The following TDRP variants were observed in gnomAD, a reference collection of about 807,000 sequenced individuals.
TDRP encodes the protein testis development-related protein.
A neutral mutation model predicts 10.5 loss-of-function variants in TDRP; 12 were observed. The ratio of observed to expected loss-of-function variants is 1.15; its 90% CI spans 0.73 to 1.86. The LOEUF is 1.86. TDRP is among the 40% of genes most tolerant of loss of function. The pLI, the probability that TDRP is intolerant of heterozygous loss-of-function variation, is 0.00. For synonymous variants in TDRP, 139 were observed against 95.4 expected, an observed-to-expected ratio of 1.46 and a Z score of -2.67; for missense variants, 353 against 229.2, an observed-to-expected ratio of 1.54 and a Z score of -3.49.
At chr8:495,872 C>T (rs940795775) in intron 1 of TDRP, among the ~76,000 whole-genome samples, 1 of 152,166 alleles carries the variant, frequency 6.6e-6, no homozygotes, top group Non-Finnish European at 1.5e-5. Context: ...GCAGAGATGA[C>T]CCTGAAAACT....
At chr8:534,845 T>A (rs1334544526) in intron 1 of TDRP, among the ~76,000 whole-genome samples, 1 of 152,176 alleles carries the variant, frequency 6.6e-6, no homozygotes, top group East Asian at 1.9e-4. Flanking sequence ...CTTTTTGGGC[T>A]ATTGTGAGAA....
At chr8:508,320 G>C (rs1391955613) in intron 1 of TDRP, among the ~76,000 whole-genome samples, 1 of 152,170 alleles carries the variant, frequency 6.6e-6, no homozygotes, top group Non-Finnish European at 1.5e-5. Context: ...GATAATATGT[G>C]TATTAGTTCA....
At chr8:542,524 G>A (rs960300629) in intron 1 of TDRP, among the ~76,000 whole-genome samples, 5 of 152,004 alleles carry the variant, frequency 3.3e-5, no homozygotes, top group African/African-American at 1.2e-4. Flanking sequence ...CTGAAAAATA[G>A]AGTCTATTAA....
At chr8:501,752 C>A (rs895406780) in intron 1 of TDRP, among the ~76,000 whole-genome samples, 5 of 152,216 alleles carry the variant, frequency 3.3e-5, no homozygotes, top group African/African-American at 1.2e-4. Context: ...CACTGCATCA[C>A]AGCAGGGTGA....
chr8:498,303 G>A (rs976347800), intron 1 of TDRP, among the ~76,000 whole-genome samples: 8 of 152,202 alleles, frequency 5.3e-5, no homozygotes, highest in South Asian at 2.1e-4. Flanking sequence ...TGCCCAATGC[G>A]TTGGAAGCCC....
At chr8:512,316 C>T (rs1002503254) in intron 1 of TDRP, among the ~76,000 whole-genome samples, 1 of 151,962 alleles carries the variant, frequency 6.6e-6, no homozygotes, top group East Asian at 1.9e-4. Flanking sequence ...ACCTGTAGTG[C>T]CAGCTCCTTG....
At chr8:515,111 C>A (rs543941351) in intron 1 of TDRP, among the ~76,000 whole-genome samples, 23 of 152,268 alleles carry the variant, frequency 1.5e-4, no homozygotes, top group African/African-American at 5.1e-4. Flanking sequence ...CACAGAGCCT[C>A]CTTGGCCTGA....
At chr8:536,393 C>G (rs1563132991) in intron 1 of TDRP, among the ~76,000 whole-genome samples, 1 of 152,222 alleles carries the variant, frequency 6.6e-6, no homozygotes, top group Non-Finnish European at 1.5e-5. Flanking sequence ...GCTAGTCAAA[C>G]TGAGTTTTTA....
At chr8:532,026 A>T (rs1486437458) in intron 1 of TDRP, among the ~76,000 whole-genome samples, 1 of 152,200 alleles carries the variant, frequency 6.6e-6, no homozygotes, top group Non-Finnish European at 1.5e-5. Context: ...GACATGGTTT[A>T]TATTTCTTTT....
chr8:510,979 C>A (rs936535219), intron 1 of TDRP, among the ~76,000 whole-genome samples: 3 of 152,144 alleles, frequency 2.0e-5, no homozygotes, highest in African/African-American at 7.2e-5. Flanking sequence ...AAAGCTACAT[C>A]AGGCTAAGAA....
At chr8:513,867 A>C (rs1428352606) in intron 1 of TDRP, among the ~76,000 whole-genome samples, 3 of 152,246 alleles carry the variant, frequency 2.0e-5, no homozygotes, top group Non-Finnish European at 4.4e-5. Context: ...AACAATCCAA[A>C]AGTGAAATTA....
intron 1 of TDRP, among the ~76,000 whole-genome samples, chr8:504,508 G>A (rs1801401427): frequency 6.6e-6 from 1 of 152,212 alleles, no homozygotes; most frequent in African/African-American, 2.4e-5. Context: ...CTACCCTGCA[G>A]GGTGGATCCA....
chr8:520,007 A>G (rs1283856505), intron 1 of TDRP, among the ~76,000 whole-genome samples: 1 of 152,254 alleles, frequency 6.6e-6, no homozygotes, highest in African/African-American at 2.4e-5. Context: ...AGAATGGGAA[A>G]GAAAGGGAAT....
At chr8:520,616 C>G (rs1031188995) in intron 1 of TDRP, among the ~76,000 whole-genome samples, 3 of 152,172 alleles carry the variant, frequency 2.0e-5, no homozygotes, top group African/African-American at 7.2e-5. Flanking sequence ...GGTTATTTTG[C>G]TTTTTTGATT....
At chr8:529,086 G>C (rs1173435147) in intron 1 of TDRP, among the ~76,000 whole-genome samples, 1 of 152,130 alleles carries the variant, frequency 6.6e-6, no homozygotes, top group East Asian at 1.9e-4. Flanking sequence ...TATCCTGGCT[G>C]TGCCAGCAGC....
rs1802594835 is a variant in TDRP, at chr8:544,810, G to T, written c.-53C>A. 1 of 1,177,494 alleles carries T rather than the reference G, an allele frequency of 8.5e-7. No individual in the cohort carries two copies. Among genetic ancestry groups the T allele is most frequent in the Middle Eastern group, 3.1e-4 (1 of 3,250 alleles). 72.9% of individuals were successfully genotyped at this position (1,177,494 alleles called of 1,614,324 possible). ...TCCGTGCGTCGGGCTGTGGCTCCGC[G>T]TCCCTCCCGGCCGCCGGACGCTCTG... is the stretch of plus-strand genomic sequence containing the variant. On this transcript the variant is annotated 5_prime_UTR_variant, in exon 1 of 3. Coordinates refer to ENST00000324079, the MANE Select transcript of TDRP (RefSeq NM_001384899.1).
chr8:534,973 A>G lies in TDRP; in HGVS notation c.108+9677T>C, dbSNP rs575162248. ...GCTCTGACTAAAAACGACACAACGC[A>G]TTCTGAGTAAAAAGCATTCCATTCT... On this transcript the variant is annotated intron_variant, in intron 1 of 2. Transcript: ENST00000324079. 2.9e-4 allele frequency among the ~76,000 whole-genome samples: 44 copies of G among 152,296 alleles called. No individual in the cohort carries two copies. The South Asian group carries it at 2.9e-3, about 10-fold the overall frequency.
chr8:532,215 C>A (rs73670303), intron 1 of TDRP, among the ~76,000 whole-genome samples: 1 of 152,326 alleles, frequency 6.6e-6, no homozygotes, highest in Admixed American at 6.5e-5. Context: ...CAGGAAGGTG[C>A]CTGTGTTGCA....
At chr8:519,303 T>C (rs1438225846) in intron 1 of TDRP, among the ~76,000 whole-genome samples, 7 of 152,168 alleles carry the variant, frequency 4.6e-5, no homozygotes, top group Admixed American at 3.9e-4. Flanking sequence ...GTTCCTCCGC[T>C]GTATCCTTTC....
Sources: gnomAD v4.1 joint callset for allele counts (sites outside exome capture counted in the v4.1 genomes callset) on GRCh38, gnomAD v4.1.1 for gene constraint, MANE v1.5 for transcripts, NCBI Gene and HGNC (gene_info 2026-07-23, HGNC 2026-07-21) for gene names.